The following CSMD1 variants were observed in gnomAD, a reference collection of about 807,000 sequenced individuals.
CSMD1 encodes CUB and Sushi multiple domains 1, also known as CUB and sushi domain-containing protein 1.
A neutral mutation model predicts 417.5 loss-of-function variants in CSMD1; 213 were observed. The ratio of observed to expected loss-of-function variants is 0.51; its 90% confidence interval spans 0.46 to 0.57. The LOEUF is 0.57. Ranked by LOEUF, CSMD1 falls within the 20% of genes least tolerant of loss-of-function variation. The pLI is 0.00. For synonymous variants in CSMD1, 2,862 were observed against 1,736.8 expected (o/e 1.65, Z -16.11); for missense variants, 6,923 against 4,529.7 (o/e 1.53, Z -15.17).
intron 3 of CSMD1, among the ~76,000 whole-genome samples, chr8:4,177,243 G>A (rs561594184): frequency 1.3e-5 from 2 of 152,278 alleles, no homozygotes; most frequent in South Asian, 4.1e-4. Flanking sequence ...TCACACCACA[G>A]TGCAATCAAG....
intron 1 of CSMD1, among the ~76,000 whole-genome samples, chr8:4,955,716 A>C (rs1204495594): frequency 4.6e-5 from 7 of 152,090 alleles, no homozygotes; most frequent in African/African-American, 1.7e-4. Flanking sequence ...TCGGCCTCCT[A>C]AAGTGCTGGG....
chr8:3,349,472 C>G (rs1256662196), intron 21 of CSMD1, among the ~76,000 whole-genome samples: 6 of 151,922 alleles, frequency 3.9e-5, no homozygotes, highest in Admixed American at 6.6e-5. Context: ...GCTTGACATC[C>G]TGGGTTCACT....
At chr8:3,517,541 G>C (rs1174414535) in intron 10 of CSMD1, among the ~76,000 whole-genome samples, 1 of 152,288 alleles carries the variant, frequency 6.6e-6, no homozygotes, top group East Asian at 1.9e-4. Context: ...GTCCCTGGGA[G>C]AATGGGAGGA....
intron 5 of CSMD1, among the ~76,000 whole-genome samples, chr8:3,995,982 C>T (rs1346279160): frequency 6.6e-6 from 1 of 152,136 alleles, no homozygotes; most frequent in Non-Finnish European, 1.5e-5. Flanking sequence ...CAGTGGTAGT[C>T]TCTCTGGCTA....
intron 6 of CSMD1, among the ~76,000 whole-genome samples, chr8:3,750,874 G>T (rs940632465): frequency 6.6e-6 from 1 of 152,108 alleles, no homozygotes; most frequent in Non-Finnish European, 1.5e-5. Context: ...CCATTCCTTG[G>T]TAACAGTTCT....
chr8:3,706,354 T>A (rs34431742), intron 7 of CSMD1, among the ~76,000 whole-genome samples: 82,073 of 152,130 alleles, frequency 0.54, 22,293 homozygotes, highest in Admixed American at 0.6. Flanking sequence ...CCCTATGTCC[T>A]TTCATCAGTG....
chr8:4,100,631 T>G lies in CSMD1; in HGVS notation c.416-68532A>C, dbSNP rs77064283. ...ACAGTTTCCACCGTGATAATGGGGA[T>G]AAGTATGTCCATCATTTCGATGATG... On this transcript the variant is annotated intron_variant, in intron 3 of 69. Transcript: ENST00000635120. 5.2e-3 allele frequency among the ~76,000 whole-genome samples: 791 copies of G among 152,198 alleles called. 6 individuals are homozygous for G. The highest frequency in any genetic ancestry group is 0.018 in the African/African-American group (756 of 41,522).
intron 2 of CSMD1, among the ~76,000 whole-genome samples, chr8:4,577,930 A>C (rs1402245539): frequency 1.3e-5 from 2 of 152,238 alleles, no homozygotes; most frequent in Non-Finnish European, 2.9e-5. Context: ...TAGTGCAATT[A>C]TGATATTGGA....
intron 3 of CSMD1, among the ~76,000 whole-genome samples, chr8:4,363,330 T>A (rs1370115913): frequency 6.6e-6 from 1 of 152,164 alleles, no homozygotes; most frequent in Non-Finnish European, 1.5e-5. Context: ...ACAGGTACCC[T>A]GCATAACTGT....
intron 52 of CSMD1, among the ~76,000 whole-genome samples, chr8:3,013,409 A>C (rs1808568843): frequency 6.6e-6 from 1 of 152,170 alleles, no homozygotes; most frequent in South Asian, 2.1e-4. Flanking sequence ...AAATATTTGA[A>C]AATAGTTATG....
chr8:4,064,610 G>C (rs546801924), intron 3 of CSMD1, among the ~76,000 whole-genome samples: 3 of 152,198 alleles, frequency 2.0e-5, no homozygotes, highest in Non-Finnish European at 4.4e-5. Flanking sequence ...AACGTGGCAA[G>C]GCTCCCAACA....
At chr8:4,927,971 C>A (rs1806983802) in intron 1 of CSMD1, among the ~76,000 whole-genome samples, 1 of 152,164 alleles carries the variant, frequency 6.6e-6, no homozygotes, top group South Asian at 2.1e-4. Flanking sequence ...TTCTTTCAGA[C>A]CCAAGTCTGT....
chr8:3,209,605 C>T (rs1346092158), intron 30 of CSMD1, among the ~76,000 whole-genome samples: 2 of 152,156 alleles, frequency 1.3e-5, no homozygotes, highest in Admixed American at 1.3e-4. Context: ...AGGTGTGAGC[C>T]ACTGCACTCG....
intron 1 of CSMD1, among the ~76,000 whole-genome samples, chr8:4,795,359 C>A (rs568156754): frequency 6.3e-5 from 9 of 141,856 alleles, no homozygotes; most frequent in African/African-American, 2.4e-4. Flanking sequence ...GCAAGCTCCG[C>A]CTCCCAGGTT....
intron 2 of CSMD1, among the ~76,000 whole-genome samples, chr8:4,578,332 A>ATTTTTCTTTTTTTTT (rs1799238990): frequency 6.2e-5 from 3 of 48,768 alleles, no homozygotes; most frequent in African/African-American, 2.3e-4. Context: ...CACCCGGCTC[A>ATTTTTCTTTTTTTTT]TTTTTTTTTT....
At chr8:3,759,904 CAAAAA>C (rs71203472) in intron 5 of CSMD1, among the ~76,000 whole-genome samples, 1 of 95,654 alleles carries the variant, frequency 1.0e-5, no homozygotes, top group Non-Finnish European at 2.0e-5. Context: ...GAGACTGTCT[CAAAAA>C]AAAAAAAAAA....
intron 31 of CSMD1, among the ~76,000 whole-genome samples, chr8:3,203,417 A>C (rs761892963): frequency 1.3e-5 from 2 of 152,206 alleles, no homozygotes; most frequent in Non-Finnish European, 2.9e-5. Context: ...GAATGTGATG[A>C]GAAGAACAAA....
At position 2,951,174 on chromosome 8, in the gene CSMD1, T is replaced by C. The variant is rs950974690; in HGVS notation, c.10141A>G (p.Thr3381Ala). Residue 3381 changes from threonine (T) to alanine (A), a missense_variant, in exon 66 of 70, where the codon ACA (threonine) becomes GCA (alanine). Coordinates refer to ENST00000635120, the MANE Select transcript of CSMD1 (RefSeq NM_033225.6). ...AAGGTGGCATTCACCTTACTGCTTGTTGCATTGAACCAGTCAACAGTTAGA... is the reference window on the plus strand; with the variant it reads ...AAGGTGGCATTCACCTTACTGCTTGCTGCATTGAACCAGTCAACAGTTAGA... ...ATLTVDWFNA[T>A]SSKVNATFSE... is the part of the protein sequence containing the mutation. The C allele has an allele frequency of 1.1e-5, 17 of 1,613,634 alleles. No homozygotes were observed. Among genetic ancestry groups the C allele is most frequent in the Admixed American group, 1.7e-5 (1 of 59,974 alleles).
At chr8:3,386,139 A>G (rs1810989525) in intron 18 of CSMD1, among the ~76,000 whole-genome samples, 1 of 152,188 alleles carries the variant, frequency 6.6e-6, no homozygotes, top group Admixed American at 6.5e-5. Flanking sequence ...TTGATGTATT[A>G]GAATTATAAC....
Sources: allele counts gnomAD v4.1 joint callset (sites outside exome capture counted in the v4.1 genomes callset), GRCh38; gene constraint gnomAD v4.1.1; transcripts MANE v1.5; gene names NCBI Gene and HGNC (gene_info 2026-07-23, HGNC 2026-07-21).